Variants in PRPF6 observed in about 807,000 individuals in gnomAD.
The protein encoded by PRPF6 is pre-mRNA processing factor 6.
PRPF6 carries 42 observed loss-of-function variants against 118.3 expected under a neutral mutation model. The ratio of observed to expected loss-of-function variants is 0.35; its 90% confidence interval spans 0.28 to 0.46. PRPF6 has a LOEUF of 0.46. Among genes scored for constraint, PRPF6 ranks in the 20% least tolerant of loss-of-function variants. The pLI, the probability that PRPF6 is intolerant of heterozygous loss-of-function variation, is 1.00. For synonymous variants in PRPF6, 481 were observed against 485.1 expected, an observed-to-expected ratio of 0.99 and a Z score of 0.11; for missense variants, 662 against 1,255.7, an observed-to-expected ratio of 0.53 and a Z score of 7.15.
At chr20:63,993,664 A>C (rs1247888132) in intron 4 of PRPF6, among the ~76,000 whole-genome samples, 179 bp downstream of exon 4, 13 of 149,982 alleles carry the variant, frequency 8.7e-5, no homozygotes, top group Admixed American at 6.7e-4. Context: ...GTAAAAAAAA[A>C]CCCTTCCCCT....
chr20:64,029,298 G>T lies in PRPF6; in HGVS notation c.2432-79G>T. 1.5e-6 allele frequency: 2 copies of T among 1,323,168 alleles called. No homozygotes were observed. The highest frequency in any genetic ancestry group is 1.7e-5 in the Admixed American group (1 of 59,592). 82.0% of individuals were successfully genotyped at this position (1,323,168 alleles called of 1,614,324 possible). On this transcript the variant is annotated intron_variant, in intron 18 of 20. Transcript: ENST00000266079. The surrounding 1 kb of genome is among the most constrained non-coding windows in gnomAD (Gnocchi z 4.8). ...CTGTCGTGGTCTGAGGACGTCCCGGGTTAGAATCTGTAGGCTGGGCACCTT... is the reference window on the plus strand; with the variant it reads ...CTGTCGTGGTCTGAGGACGTCCCGGTTTAGAATCTGTAGGCTGGGCACCTT...
At chr20:64,002,252 G>A (rs969358381) in intron 9 of PRPF6, among the ~76,000 whole-genome samples, 8 of 151,338 alleles carry the variant, frequency 5.3e-5, no homozygotes, top group African/African-American at 1.9e-4. Flanking sequence ...CGATCTCTTG[G>A]CCTTGTGATC....
chr20:64,021,244 C>T (rs924680838), intron 12 of PRPF6, among the ~76,000 whole-genome samples: 22 of 147,892 alleles, frequency 1.5e-4, no homozygotes, highest in Non-Finnish European at 3.0e-4. Context: ...TCTGTGTGTG[C>T]GTGTGTGCGT....
intron 9 of PRPF6, among the ~76,000 whole-genome samples, chr20:64,008,375 T>C (rs2059199707): frequency 6.6e-6 from 1 of 152,194 alleles, no homozygotes. Context: ...TATCCTCTTG[T>C]AAATTGGAAG....
chr20:63,982,087 T>C (rs949814134), intron 1 of PRPF6, among the ~76,000 whole-genome samples: 1 of 152,056 alleles, frequency 6.6e-6, no homozygotes, highest in Admixed American at 6.6e-5. Flanking sequence ...GCGAATAGAA[T>C]AGAGCTCAGG....
At chr20:63,985,541 G>A (rs1193148066) in intron 3 of PRPF6, among the ~76,000 whole-genome samples, 1 of 152,144 alleles carries the variant, frequency 6.6e-6, no homozygotes, top group African/African-American at 2.4e-5. Flanking sequence ...GAACTCTTAA[G>A]TTTTTCCAGA....
rs750601563 is a variant in PRPF6, at chr20:64,028,450, T to A, written c.2340-28T>A. 4.3e-6 allele frequency: 7 copies of A among 1,612,662 alleles called. No homozygotes were observed. The highest frequency in any genetic ancestry group is 5.1e-6 in the Non-Finnish European group (6 of 1,179,036). ...AATATGTGCTGTTGGTAGACGGCTGTGGGACCTCCGGGGGCCTGTCTCCTC... is the reference window on the plus strand; with the variant it reads ...AATATGTGCTGTTGGTAGACGGCTGAGGGACCTCCGGGGGCCTGTCTCCTC... On this transcript the variant is annotated intron_variant, in intron 17 of 20. Transcript: ENST00000266079. This position sits in a 1 kb window ranked among gnomAD's most constrained non-coding sequence, Gnocchi z 6.5.
intron 2 of PRPF6, among the ~76,000 whole-genome samples, chr20:63,984,490 CAAAA>C (rs1233417242): frequency 2.6e-5 from 4 of 151,810 alleles, no homozygotes; most frequent in South Asian, 2.1e-4. Context: ...AGTGCCCCCC[CAAAA>C]AAAAGTTTCT....
intron 5 of PRPF6, 46 bp downstream of exon 5, chr20:63,995,138 G>T: frequency 3.7e-6 from 6 of 1,611,728 alleles, no homozygotes; most frequent in Non-Finnish European, 5.1e-6. Context: ...AGTCCTGTTA[G>T]ATCAGTGGCA....
rs968202925 is a variant in PRPF6 at position 64,026,828 on chromosome 20, A to G, written c.2029-154A>G. Among the ~76,000 whole-genome samples the G allele has an allele frequency of 5.3e-5, 8 of 152,176 alleles. No homozygotes were observed. The highest frequency in any genetic ancestry group is 1.2e-4 in the Non-Finnish European group (8 of 68,020). On this transcript the variant is annotated intron_variant, in intron 15 of 20. Transcript: ENST00000266079. This position sits in a 1 kb window ranked among gnomAD's most constrained non-coding sequence, Gnocchi z 4.4. Reference sequence around the variant, plus strand: ...AAAAAACAAAACAAAACAAAAACATATATTTATCCCCACCTTTTGTGTACA... The same window carrying G: ...AAAAAACAAAACAAAACAAAAACATGTATTTATCCCCACCTTTTGTGTACA...
chr20:64,020,988 T>C (rs1342672805), intron 12 of PRPF6, among the ~76,000 whole-genome samples: 1 of 152,248 alleles, frequency 6.6e-6, no homozygotes, highest in Non-Finnish European at 1.5e-5. Context: ...GGTTTTACCA[T>C]GTTGGTCAGG....
In PRPF6 at chr20:64,016,858, C is replaced by T. The variant is rs1569221364; in HGVS notation, c.1647+13C>T. 6 of 1,613,932 alleles carry T rather than the reference C, an allele frequency of 3.7e-6. No homozygotes were observed. The highest frequency in any genetic ancestry group is 5.1e-6 in the Non-Finnish European group (6 of 1,179,974). On this transcript the variant is annotated intron_variant, in intron 12 of 20. Transcript: ENST00000266079. ...GGATGCTGACAGTGTGAGTTGGCAA[C>T]AGGGGCCTTTGTCCGTAATATGGAG...
At chr20:64,025,738 C>T (rs954951712) in intron 14 of PRPF6, among the ~76,000 whole-genome samples, 5 of 152,232 alleles carry the variant, frequency 3.3e-5, no homozygotes, top group Non-Finnish European at 5.9e-5. Flanking sequence ...TGAACATGGG[C>T]CTGTGTGTTT....
Position 64,011,125 on chromosome 20 carries a change from G to T in PRPF6, c.1306-160G>T, listed in dbSNP as rs2123052971. 6.6e-6 allele frequency among the ~76,000 whole-genome samples: 1 copy of T among 152,330 alleles called. No individual in the cohort carries two copies. Among genetic ancestry groups the T allele is most frequent in the Middle Eastern group, 3.4e-3 (1 of 294 alleles). ...AGCATAAAGGAACAGTTGGTCAGGT[G>T]AGAAGTGCTGCTGTGGACACTTCTC... On this transcript the variant is annotated intron_variant, in intron 10 of 20. Coordinates refer to ENST00000266079, the MANE Select transcript of PRPF6 (RefSeq NM_012469.4). This position sits in a 1 kb window ranked among gnomAD's most constrained non-coding sequence, Gnocchi z 6.7.
At chr20:64,025,211 G>T (rs1012431457) in intron 14 of PRPF6, among the ~76,000 whole-genome samples, 2 of 152,160 alleles carry the variant, frequency 1.3e-5, no homozygotes, top group Non-Finnish European at 2.9e-5. Context: ...CATGAGAGGG[G>T]ACTGGCCTGG....
rs1424459132 is a variant in PRPF6 at position 64,027,556 on chromosome 20, T to C, written c.2206-47T>C. ...GAAGCTGGGCATGGCTGTGTCCCAG[T>C]TCTTCATAGACACCACCTGAGCTGC... On this transcript the variant is annotated intron_variant, in intron 16 of 20. Transcript: ENST00000266079. The surrounding 1 kb of genome is among the most constrained non-coding windows in gnomAD (Gnocchi z 6.5). The C allele has an allele frequency of 1.2e-6, 2 of 1,613,550 alleles. No individual in the cohort carries two copies. The highest frequency in any genetic ancestry group is 2.7e-5 in the African/African-American group (2 of 74,918).
chr20:64,004,819 A>G (rs1311595224), intron 9 of PRPF6, among the ~76,000 whole-genome samples: 2 of 152,194 alleles, frequency 1.3e-5, no homozygotes, highest in Non-Finnish European at 2.9e-5. Context: ...ATGCACTCAC[A>G]TGCTGTGTAC....
At chr20:63,981,361 G>C in intron 1 of PRPF6, 45 bp downstream of exon 1, 1 of 1,532,308 alleles carries the variant, frequency 6.5e-7, no homozygotes, top group Non-Finnish European at 8.8e-7. Context: ...CCGGCTACAG[G>C]AGCGCAGTGC....
chr20:64,030,916 C>T (rs193044371), intron 19 of PRPF6, among the ~76,000 whole-genome samples: 1 of 152,350 alleles, frequency 6.6e-6, no homozygotes, highest in African/African-American at 2.4e-5. Context: ...GTGCCTCTGG[C>T]TCCAGGGGGA....
Sources: gnomAD v4.1 joint callset for allele counts (sites outside exome capture counted in the v4.1 genomes callset) on GRCh38, gnomAD v4.1.1 for gene constraint, Gnocchi (gnomAD v3.1) non-coding constraint, MANE v1.5 for transcripts, NCBI Gene and HGNC (gene_info 2026-07-23, HGNC 2026-07-21) for gene names.